Variants in POLR3B observed in about 807,000 individuals in gnomAD.
The protein encoded by POLR3B is RNA polymerase III subunit B, also known as DNA-directed RNA polymerase III subunit RPC2.
In POLR3B, 96 loss-of-function variants were observed where a neutral mutation model predicts 147.4. The observed-to-expected ratio is 0.65, with a 90% CI of 0.55 to 0.77. The LOEUF (loss-of-function observed/expected upper bound fraction) is 0.77, where lower values mean the gene tolerates loss of function less well. POLR3B is among the 30% of genes least tolerant of loss of function. The pLI is 0.00. For synonymous variants in POLR3B, 461 were observed against 485.9 expected, an observed-to-expected ratio of 0.95 and a Z score of 0.67; for missense variants, 1,036 against 1,413.5, an observed-to-expected ratio of 0.73 and a Z score of 4.28.
intron 22 of POLR3B, 42 bp downstream of exon 22, chr12:106,459,410 A>G (rs1178580055): frequency 9.3e-7 from 1 of 1,077,280 alleles, no homozygotes; most frequent in Admixed American, 1.7e-5. Flanking sequence ...GAAAGGTTAG[A>G]AAAAGAGAAG....
intron 25 of POLR3B, among the ~76,000 whole-genome samples, chr12:106,498,886 G>A (rs538319929): frequency 6.6e-5 from 10 of 152,274 alleles, no homozygotes; most frequent in African/African-American, 2.2e-4. Context: ...ACGCCCTAAG[G>A]TTTTAAACCA....
chr12:106,495,625 G>A (rs2038467473), intron 23 of POLR3B, among the ~76,000 whole-genome samples: 1 of 152,208 alleles, frequency 6.6e-6, no homozygotes, highest in South Asian at 2.1e-4. Flanking sequence ...TCATTTCTGT[G>A]TTTGGGGGTC....
At chr12:106,435,580 T>C (rs2037566486) in intron 16 of POLR3B, among the ~76,000 whole-genome samples, 1 of 152,166 alleles carries the variant, frequency 6.6e-6, no homozygotes, top group Non-Finnish European at 1.5e-5. Context: ...ACTTACTGAG[T>C]TGTGTGACTC....
chr12:106,470,381 C>T (rs1241024953), intron 23 of POLR3B, among the ~76,000 whole-genome samples: 2 of 152,042 alleles, frequency 1.3e-5, no homozygotes, highest in Non-Finnish European at 2.9e-5. Context: ...TCAGCTTCCT[C>T]GCAATGGGTT....
At chr12:106,440,681 T>C (rs2037638361) in intron 18 of POLR3B, among the ~76,000 whole-genome samples, 1 of 152,026 alleles carries the variant, frequency 6.6e-6, no homozygotes, top group African/African-American at 2.4e-5. Flanking sequence ...CTGACCACTC[T>C]AGTGAAAGTA....
Position 106,432,353 on chromosome 12 carries a change from A to G in POLR3B, c.1500A>G (p.Thr500=). The change falls in exon 15 of 28, where the codon ACA becomes ACG. Residue 500 remains threonine, a synonymous_variant. Coordinates refer to ENST00000228347, the MANE Select transcript of POLR3B (RefSeq NM_018082.6). The part of the protein sequence containing the change: ...CGLVKNLALM[T]HITTDMEDGP... ...TGGTTAAAAACTTGGCCCTTATGAC[A>G]CACATCACAACTGATATGGAAGATG... The G allele has an allele frequency of 6.2e-7, 1 of 1,613,796 alleles. No homozygotes were observed. The highest frequency in any genetic ancestry group is 8.5e-7 in the Non-Finnish European group (1 of 1,179,748).
intron 23 of POLR3B, among the ~76,000 whole-genome samples, chr12:106,463,939 T>G (rs570737634): frequency 2.6e-4 from 40 of 152,170 alleles, no homozygotes; most frequent in Non-Finnish European, 5.3e-4. Context: ...GTAGTACCTT[T>G]TTTTTTTTCT....
At chr12:106,358,057 A>G (rs958841381) in intron 1 of POLR3B, 106 bp downstream of exon 1, 6 of 1,554,472 alleles carry the variant, frequency 3.9e-6, no homozygotes, top group Non-Finnish European at 5.2e-6. Flanking sequence ...GTTTGTGCGC[A>G]TGCGCCGGGC....
intron 17 of POLR3B, 25 bp from the exon 18 acceptor site, chr12:106,437,656 G>A: frequency 1.5e-6 from 2 of 1,342,398 alleles, no homozygotes; most frequent in Non-Finnish European, 2.1e-6. Context: ...TTTTAATGAT[G>A]TCTCTTTCAC....
chr12:106,487,629 C>T (rs78076918), intron 23 of POLR3B, among the ~76,000 whole-genome samples: 4,128 of 132,854 alleles, frequency 0.031, 64 homozygotes, highest in South Asian at 0.053. Context: ...GATCACATTT[C>T]GGTGCCCAAT....
intron 27 of POLR3B, among the ~76,000 whole-genome samples, chr12:106,505,878 T>C (rs1187220433): frequency 6.6e-6 from 1 of 152,198 alleles, no homozygotes; most frequent in Non-Finnish European, 1.5e-5. Flanking sequence ...AAAAAGCCAA[T>C]CACAAGTTGA....
chr12:106,365,953 C>T (rs1425198954), intron 2 of POLR3B, among the ~76,000 whole-genome samples: 1 of 152,074 alleles, frequency 6.6e-6, no homozygotes, highest in Non-Finnish European at 1.5e-5. Context: ...TCTTCCATCT[C>T]CATGCCTTGT....
chr12:106,486,856 C>T (rs2038348439), intron 23 of POLR3B, among the ~76,000 whole-genome samples: 1 of 152,186 alleles, frequency 6.6e-6, no homozygotes, highest in Non-Finnish European at 1.5e-5. Context: ...ATCAGGATTT[C>T]AAACAGATGT....
At chr12:106,445,264 A>G (rs2037706807) in intron 19 of POLR3B, among the ~76,000 whole-genome samples, 1 of 152,354 alleles carries the variant, frequency 6.6e-6, no homozygotes, top group South Asian at 2.1e-4. Context: ...TTCAAAGTCT[A>G]GTAGGAGAGA....
chr12:106,430,210 G>C, intron 13 of POLR3B, 63 bp from the exon 14 acceptor site: 1 of 1,265,118 alleles, frequency 7.9e-7, no homozygotes. Context: ...TGGAGTGACC[G>C]CACGGTATCA....
At chr12:106,484,758 G>A (rs576513423) in intron 23 of POLR3B, among the ~76,000 whole-genome samples, 44 of 152,138 alleles carry the variant, frequency 2.9e-4, no homozygotes, top group Non-Finnish European at 5.6e-4. Context: ...GCTGAGACAC[G>A]AAGGATACAA....
At chr12:106,487,191 G>A (rs2038352091) in intron 23 of POLR3B, among the ~76,000 whole-genome samples, 1 of 152,200 alleles carries the variant, frequency 6.6e-6, no homozygotes, top group African/African-American at 2.4e-5. Context: ...GTCATGAAAT[G>A]AGCTGATAAA....
Position 106,406,000 on chromosome 12 carries a change from A to T in POLR3B, c.966+24A>T, listed in dbSNP as rs199612443. On this transcript the variant is annotated intron_variant, in intron 11 of 27. Coordinates refer to ENST00000228347, the MANE Select transcript of POLR3B (RefSeq NM_018082.6). The stretch of plus-strand genomic sequence containing the variant: ...CAGTGAGTAACACTTCGTTATTGTG[A>T]ATAAGGACTGTGGGGTCTGTGAATT... 2.0e-5 allele frequency: 32 copies of T among 1,612,622 alleles called. 1 individual carries two copies. In the East Asian group the frequency reaches 6.7e-4, roughly 34 times the overall value.
chr12:106,359,291 A>G (rs1233533086), intron 1 of POLR3B, among the ~76,000 whole-genome samples: 1 of 151,982 alleles, frequency 6.6e-6, no homozygotes, highest in Non-Finnish European at 1.5e-5. Context: ...GATTCAGTCT[A>G]TAAGTGCATG....
Sources: gnomAD v4.1 joint callset for allele counts (sites outside exome capture counted in the v4.1 genomes callset) on GRCh38, gnomAD v4.1.1 for gene constraint, MANE v1.5 for transcripts, NCBI Gene and HGNC (gene_info 2026-07-23, HGNC 2026-07-21) for gene names.